Variants in MAGT1 observed in about 807,000 individuals in gnomAD.
MAGT1 encodes magnesium transporter 1.
Under a neutral mutation model 28.4 loss-of-function variants are expected in MAGT1, and 4 were observed. The observed-to-expected ratio is 0.14, with a 90% confidence interval of 0.07 to 0.32. The LOEUF (loss-of-function observed/expected upper bound fraction) is 0.32, where lower values mean the gene tolerates loss of function less well. Among genes scored for constraint, MAGT1 ranks in the 10% least tolerant of loss-of-function variants. The pLI is 1.00. For missense variants in MAGT1, 193 were observed against 264.5 expected (o/e 0.73, Z 1.88); for synonymous variants, 89 against 89.7 (o/e 0.99, Z 0.04).
At chrX:77,852,813 G>A (rs1557215647) in intron 7 of MAGT1, among the ~76,000 whole-genome samples, 1 of 110,961 alleles carries the variant, frequency 9.0e-6, no homozygotes, top group Non-Finnish European at 1.9e-5. Context: ...GCCCAGGCTG[G>A]TCTCAAACTC....
chrX:77,857,256 G>C, intron 4 of MAGT1, 101 bp downstream of exon 4: 1 of 1,027,496 alleles, frequency 9.7e-7, no homozygotes, highest in Non-Finnish European at 1.4e-6. Context: ...TGCCAAACTA[G>C]TACCACCTCA....
At chrX:77,832,699 G>A (rs1425746976) in intron 8 of MAGT1, among the ~76,000 whole-genome samples, 1 of 108,461 alleles carries the variant, frequency 9.2e-6, no homozygotes, top group Non-Finnish European at 1.9e-5. Context: ...CAGGCGTGGC[G>A]GCAGGCACCT....
intron 1 of MAGT1, among the ~76,000 whole-genome samples, chrX:77,877,812 C>CAAAATAAAATAAAAT (rs145687006): frequency 2.9e-4 from 10 of 35,066 alleles, no homozygotes; most frequent in Admixed American, 4.6e-4. Context: ...GACTCTGTCT[C>CAAAATAAAATAAAAT]AAAATAAAAT....
At chrX:77,837,434 C>T (rs1204437823) in intron 8 of MAGT1, 1 of 110,802 alleles carries the variant, frequency 9.0e-6, no homozygotes, top group Non-Finnish European at 1.9e-5. Flanking sequence ...AATTATTTTT[C>T]TAACACGTAA....
At chrX:77,885,133 T>C (rs1396251488) in intron 1 of MAGT1, among the ~76,000 whole-genome samples, 1 of 108,635 alleles carries the variant, frequency 9.2e-6, no homozygotes. Context: ...GGTGTGATCA[T>C]AGCTCACTGC....
chrX:77,868,681 G>A (rs922450237), intron 3 of MAGT1: 5 of 300,586 alleles, frequency 1.7e-5, no homozygotes, highest in Admixed American at 6.8e-5. Flanking sequence ...TTAACCAGGC[G>A]TGGTGGCAAG....
rs781796501 is a variant in MAGT1, at chrX:77,852,332, G to A, written c.826+1569C>T. ...AAGCAGTAAGTATATTTTCCATAGT[G>A]CATAAGAACATTTTCCCAAATATCC... On this transcript the variant is annotated intron_variant, in intron 7 of 9. Coordinates refer to ENST00000618282, the MANE Select transcript of MAGT1 (RefSeq NM_001367916.1). Among the ~76,000 whole-genome samples, 9 of 112,251 alleles carry A rather than the reference G, an allele frequency of 8.0e-5. No homozygotes were observed. The Admixed American group carries it at 8.6e-4, about 11-fold the overall frequency.
intron 7 of MAGT1, among the ~76,000 whole-genome samples, chrX:77,847,802 G>A (rs2076956517): frequency 9.1e-6 from 1 of 109,612 alleles, no homozygotes; most frequent in Non-Finnish European, 1.9e-5. Context: ...AGTAGAGACG[G>A]GGTTTACCCA....
intron 7 of MAGT1, among the ~76,000 whole-genome samples, chrX:77,843,642 C>A (rs2076941790): frequency 9.0e-6 from 1 of 111,494 alleles, no homozygotes; most frequent in South Asian, 3.7e-4. Flanking sequence ...TTTCTGAGTT[C>A]TTTATCTGCA....
chrX:77,853,737 T>C (rs1434095185), intron 7 of MAGT1, among the ~76,000 whole-genome samples, 164 bp downstream of exon 7: 2 of 112,140 alleles, frequency 1.8e-5, no homozygotes, highest in Non-Finnish European at 3.8e-5. Flanking sequence ...TTGTCCCTAG[T>C]AGTCTTTGGT....
At chrX:77,881,324 T>C (rs1157158489) in intron 1 of MAGT1, among the ~76,000 whole-genome samples, 1 of 110,386 alleles carries the variant, frequency 9.1e-6, no homozygotes, top group Non-Finnish European at 1.9e-5. Context: ...TGTGCAGGTT[T>C]GTTACATATG....
chrX:77,841,421 C>A, intron 7 of MAGT1, 101 bp from the exon 8 acceptor site: 3 of 585,497 alleles, frequency 5.1e-6, no homozygotes, highest in Non-Finnish European at 8.7e-6. Context: ...AATATATAAA[C>A]CTTCAACTCT....
chrX:77,851,544 T>C (rs1178604132), intron 7 of MAGT1, among the ~76,000 whole-genome samples: 1 of 111,696 alleles, frequency 9.0e-6, no homozygotes, highest in African/African-American at 3.3e-5. Context: ...TGGCTAATTT[T>C]TGTATTTTTA....
At chrX:77,867,060 C>T (rs1246185991) in intron 3 of MAGT1, among the ~76,000 whole-genome samples, 1 of 66,383 alleles carries the variant, frequency 1.5e-5, no homozygotes, top group African/African-American at 3.5e-5. Context: ...CTCTGCACCC[C>T]GAATGCTCGG....
chrX:77,880,272 G>C lies in MAGT1; in HGVS notation c.103-4675C>G, dbSNP rs782689376. ...AGGCCAGGCGCGGTGGCTCACGCCT[G>C]TAATCTCAGCACTTTGGGAGGCCAA... On this transcript the variant is annotated intron_variant, in intron 1 of 9. Coordinates refer to ENST00000618282, the MANE Select transcript of MAGT1 (RefSeq NM_001367916.1). Among the ~76,000 whole-genome samples, 24 of 108,722 alleles carry C rather than the reference G, an allele frequency of 2.2e-4. No homozygotes were observed. In the East Asian group the frequency reaches 6.6e-3, roughly 30 times the overall value. 94.4% of individuals were successfully genotyped at this position (108,722 alleles called of 115,157 possible). A position where few individuals can be genotyped will look rare whatever the true frequency, so the allele number is the denominator to read the frequency against.
rs2076883077 is a variant in MAGT1, at chrX:77,826,431, C to T, written c.*2789G>A. On this transcript the variant is annotated 3_prime_UTR_variant, in exon 10 of 10. Transcript: ENST00000618282. ...GCCAGACATTTGGTTATCTTTGCCA[C>T]TACAATGTGTCATTCTGAACTGTAT... 1 of 112,278 alleles carries T rather than the reference C, an allele frequency of 8.9e-6. No homozygotes were observed. 9.3% of individuals were successfully genotyped at this position (112,278 alleles called of 1,213,427 possible). A position where few individuals can be genotyped will look rare whatever the true frequency, so the allele number is the denominator to read the frequency against.
At chrX:77,887,525 T>A (rs981791475) in intron 1 of MAGT1, among the ~76,000 whole-genome samples, 1 of 111,699 alleles carries the variant, frequency 9.0e-6, no homozygotes, top group Non-Finnish European at 1.9e-5. Flanking sequence ...TGGAAAGGCA[T>A]GGTTGAGAAA....
chrX:77,837,874 C>T (rs1383544919), intron 8 of MAGT1, among the ~76,000 whole-genome samples: 1 of 110,985 alleles, frequency 9.0e-6, no homozygotes, highest in Non-Finnish European at 1.9e-5. Context: ...TCCCAAGTAG[C>T]TGGGATTACA....
intron 8 of MAGT1, 39 bp downstream of exon 8, chrX:77,841,207 T>C (rs1557214368): frequency 1.0e-6 from 1 of 997,771 alleles, no homozygotes; most frequent in South Asian, 1.9e-5. Flanking sequence ...TTTTCCATAG[T>C]ACAGGCAGCA....
Sources: allele counts gnomAD v4.1 joint callset (sites outside exome capture counted in the v4.1 genomes callset), GRCh38; gene constraint gnomAD v4.1.1; transcripts MANE v1.5; gene names NCBI Gene and HGNC (gene_info 2026-07-23, HGNC 2026-07-21).